LRRC4C: variants seen among roughly 807,000 people sequenced by gnomAD.
The protein encoded by LRRC4C is leucine rich repeat containing 4C.
Under a neutral mutation model 33.6 loss-of-function variants are expected in LRRC4C, and 5 were observed. That is an observed-to-expected ratio of 0.15 (90% CI 0.08 to 0.31). The LOEUF (loss-of-function observed/expected upper bound fraction) is 0.31, where lower values mean the gene tolerates loss of function less well. Ranked by LOEUF, LRRC4C falls within the 10% of genes least tolerant of loss-of-function variation. The pLI, the probability that LRRC4C is intolerant of heterozygous loss-of-function variation, is 1.00. For synonymous variants in LRRC4C, 329 were observed against 302.0 expected (o/e 1.09, Z -0.93); for missense variants, 560 against 796.7 (o/e 0.70, Z 3.58).
In LRRC4C at chr11:41,295,390, A is replaced by C. The variant is rs114684450; in HGVS notation, c.-496+164041T>G. On this transcript the variant is annotated intron_variant, in intron 1 of 6. Coordinates refer to ENST00000528697, the MANE Select transcript of LRRC4C (RefSeq NM_001258419.2). ...GTAAATAAAATGTTTGTGGTGATTT[A>C]GCAATATACAACTCCTATTCATGAA... is the stretch of plus-strand genomic sequence containing the variant. Among the ~76,000 whole-genome samples the C allele has an allele frequency of 6.6e-3, 1,005 of 152,304 alleles. 23 individuals are homozygous for C. Among genetic ancestry groups the C allele is most frequent in the African/African-American group, 0.023 (971 of 41,556 alleles).
intron 2 of LRRC4C, among the ~76,000 whole-genome samples, chr11:40,784,179 A>G (rs1458126127): frequency 6.6e-6 from 1 of 152,082 alleles, no homozygotes; most frequent in Non-Finnish European, 1.5e-5. Context: ...CAAAATGTTT[A>G]CCTTCATGTT....
chr11:41,236,541 T>C (rs973100678), intron 1 of LRRC4C, among the ~76,000 whole-genome samples: 1 of 151,750 alleles, frequency 6.6e-6, no homozygotes, highest in Non-Finnish European at 1.5e-5. Context: ...TCCAAATCTA[T>C]ATACAGCGAA....
At chr11:40,834,915 C>CAG (rs1565115358) in intron 2 of LRRC4C, among the ~76,000 whole-genome samples, 17 of 32,360 alleles carry the variant, frequency 5.3e-4, no homozygotes, top group East Asian at 2.6e-3. Context: ...CAGACAGACA[C>CAG]ACACACACAC....
At chr11:40,788,150 T>C (rs757878826) in intron 2 of LRRC4C, among the ~76,000 whole-genome samples, 1 of 152,178 alleles carries the variant, frequency 6.6e-6, no homozygotes, top group Non-Finnish European at 1.5e-5. Context: ...CTGAGTTCTG[T>C]CTTCTTCATG....
intron 3 of LRRC4C, among the ~76,000 whole-genome samples, chr11:40,360,722 G>C (rs1274616117): frequency 6.6e-6 from 1 of 152,080 alleles, no homozygotes; most frequent in Non-Finnish European, 1.5e-5. Flanking sequence ...AAATTGAAAA[G>C]GAGGGACTCC....
At chr11:40,949,413 G>T (rs982959819) in intron 1 of LRRC4C, among the ~76,000 whole-genome samples, 1 of 152,026 alleles carries the variant, frequency 6.6e-6, no homozygotes, top group African/African-American at 2.4e-5. Context: ...ACACATAATT[G>T]TCAGATTCAC....
chr11:40,998,792 A>T (rs1025156489), intron 1 of LRRC4C, among the ~76,000 whole-genome samples: 4 of 152,134 alleles, frequency 2.6e-5, no homozygotes, highest in Admixed American at 2.6e-4. Flanking sequence ...CAGAAATGCC[A>T]TTATAGCAGC....
chr11:40,757,502 T>C (rs1031306987), intron 2 of LRRC4C, among the ~76,000 whole-genome samples: 1 of 152,054 alleles, frequency 6.6e-6, no homozygotes, highest in Non-Finnish European at 1.5e-5. Flanking sequence ...TTGTGCCTTA[T>C]TTATTTGTTT....
intron 1 of LRRC4C, among the ~76,000 whole-genome samples, chr11:41,216,431 A>G (rs1173081532): frequency 6.6e-6 from 1 of 151,960 alleles, no homozygotes; most frequent in East Asian, 1.9e-4. Context: ...GATAAAAATG[A>G]CATTTTTCTC....
At position 40,221,371 on chromosome 11, in the gene LRRC4C, C is replaced by T. The variant is rs915909490; in HGVS notation, c.-96+20148G>A. On this transcript the variant is annotated intron_variant, in intron 5 of 6. Transcript: ENST00000528697. The stretch of plus-strand genomic sequence containing the variant: ...ACTGACGGATCAGTCTATCGGATTG[C>T]CCAAAATTTGGAACTCAATGTGTTT... 2.6e-5 allele frequency among the ~76,000 whole-genome samples: 4 copies of T among 152,084 alleles called. No homozygotes were observed. In the East Asian group the frequency reaches 7.7e-4, roughly 29 times the overall value.
At chr11:40,468,710 T>C (rs1406654661) in intron 3 of LRRC4C, among the ~76,000 whole-genome samples, 1 of 152,152 alleles carries the variant, frequency 6.6e-6, no homozygotes, top group Non-Finnish European at 1.5e-5. Flanking sequence ...ACCTGTCTAA[T>C]CTTTTGAAAT....
At chr11:40,961,388 G>A (rs1296267149) in intron 1 of LRRC4C, among the ~76,000 whole-genome samples, 1 of 151,638 alleles carries the variant, frequency 6.6e-6, no homozygotes, top group Non-Finnish European at 1.5e-5. Flanking sequence ...TGCCTCCTTG[G>A]TGTCTGTGCT....
chr11:40,908,726 A>G (rs761132117), intron 2 of LRRC4C, among the ~76,000 whole-genome samples: 1 of 152,186 alleles, frequency 6.6e-6, no homozygotes, highest in Non-Finnish European at 1.5e-5. Flanking sequence ...GTGGAAGTGC[A>G]TATAAATTAG....
At chr11:40,373,789 C>T (rs1003119448) in intron 3 of LRRC4C, among the ~76,000 whole-genome samples, 1 of 152,164 alleles carries the variant, frequency 6.6e-6, no homozygotes, top group Non-Finnish European at 1.5e-5. Context: ...TCCTCTCTCA[C>T]AATGTGACAC....
intron 1 of LRRC4C, among the ~76,000 whole-genome samples, chr11:41,397,776 T>C (rs1340838630): frequency 6.6e-6 from 1 of 151,958 alleles, no homozygotes. Context: ...TAAGGCTAGC[T>C]TTTAATAATT....
At chr11:40,282,275 G>A (rs7104021) in intron 4 of LRRC4C, among the ~76,000 whole-genome samples, 26,666 of 151,994 alleles carry the variant, frequency 0.18, 2,903 homozygotes, top group Admixed American at 0.3. Flanking sequence ...AATCTGGGAG[G>A]TGGAGGTTGC....
chr11:40,754,570 C>G (rs1436748165), intron 2 of LRRC4C, among the ~76,000 whole-genome samples: 2 of 152,048 alleles, frequency 1.3e-5, no homozygotes, highest in Non-Finnish European at 2.9e-5. Flanking sequence ...AAAGCCTACA[C>G]TCTGGAAGAG....
chr11:40,657,940 A>G (rs1565607125), intron 2 of LRRC4C, among the ~76,000 whole-genome samples: 1 of 152,206 alleles, frequency 6.6e-6, no homozygotes, highest in Admixed American at 6.5e-5. Context: ...AAGGGCAAAG[A>G]ACAAGGGCAA....
At chr11:40,785,787 C>T (rs771676658) in intron 2 of LRRC4C, among the ~76,000 whole-genome samples, 4 of 152,050 alleles carry the variant, frequency 2.6e-5, no homozygotes, top group African/African-American at 4.8e-5. Context: ...CAAAATTGAC[C>T]GCTCACTCCA....
Sources: allele counts gnomAD v4.1 joint callset (sites outside exome capture counted in the v4.1 genomes callset), GRCh38; gene constraint gnomAD v4.1.1; transcripts MANE v1.5; gene names NCBI Gene and HGNC (gene_info 2026-07-23, HGNC 2026-07-21).